The following VGLL3 variants were observed in gnomAD, a reference collection of about 807,000 sequenced individuals.
VGLL3 encodes the protein transcription cofactor vestigial-like protein 3.
Under a neutral mutation model 29.2 loss-of-function variants are expected in VGLL3, and 18 were observed. The observed-to-expected ratio is 0.62, with a 90% CI of 0.43 to 0.91. The LOEUF (loss-of-function observed/expected upper bound fraction) is 0.91. VGLL3 is among the 40% of genes least tolerant of loss of function. VGLL3 has a pLI of 0.00. For synonymous variants in VGLL3, 180 were observed against 151.8 expected (o/e 1.19, Z -1.36); for missense variants, 440 against 413.2 (o/e 1.06, Z -0.56).
intron 3 of VGLL3, among the ~76,000 whole-genome samples, chr3:86,963,397 G>A (rs1559725096): frequency 1.3e-5 from 2 of 152,282 alleles, no homozygotes; most frequent in East Asian, 3.9e-4. Context: ...ATCCACAGAA[G>A]TAGAAAGTAG....
At chr3:86,967,597 G>A (rs931942711) in intron 3 of VGLL3, among the ~76,000 whole-genome samples, 1 of 152,066 alleles carries the variant, frequency 6.6e-6, no homozygotes, top group East Asian at 1.9e-4. Flanking sequence ...CATGATTAAG[G>A]GTTCTCCACA....
At position 86,938,168 on chromosome 3, in the gene VGLL3, T is replaced by A. The variant is rs1199263974; in HGVS notation, c.*8856A>T. 1 of 152,174 alleles carries A rather than the reference T, an allele frequency of 6.6e-6. No homozygotes were observed. Among genetic ancestry groups the A allele is most frequent in the Non-Finnish European group, 1.5e-5 (1 of 68,032 alleles). 9.4% of individuals were successfully genotyped at this position (152,174 alleles called of 1,614,324 possible). On this transcript the variant is annotated 3_prime_UTR_variant, in exon 4 of 4. Coordinates refer to ENST00000398399, the MANE Select transcript of VGLL3 (RefSeq NM_016206.4). ...CTGAGTTATAATTGACACATAAAAG[T>A]TATATATATTTAAGGTATACGATAT...
chr3:86,975,042 A>G (rs1298354747), intron 2 of VGLL3, among the ~76,000 whole-genome samples: 15 of 152,340 alleles, frequency 9.8e-5, no homozygotes, highest in Admixed American at 8.5e-4. Context: ...TTATTTAAAA[A>G]TCTTTACAAT....
At chr3:86,966,787 A>G (rs1201705390) in intron 3 of VGLL3, among the ~76,000 whole-genome samples, 27 of 91,560 alleles carry the variant, frequency 2.9e-4, no homozygotes, top group African/African-American at 9.7e-4. Flanking sequence ...ATATATATAT[A>G]TATATATATA....
At position 86,944,656 on chromosome 3, in the gene VGLL3, T is replaced by C. The variant is rs1231100837; in HGVS notation, c.*2368A>G. On this transcript the variant is annotated 3_prime_UTR_variant, in exon 4 of 4. Transcript: ENST00000398399. ...TTCCTCAGAGCCAATAAACTTTTTGTCTGACAGTTACCGGGAGAACACAGA... is the reference window on the plus strand; with the variant it reads ...TTCCTCAGAGCCAATAAACTTTTTGCCTGACAGTTACCGGGAGAACACAGA... 1 of 152,234 alleles carries C rather than the reference T, an allele frequency of 6.6e-6. No individual in the cohort carries two copies. Among genetic ancestry groups the C allele is most frequent in the Non-Finnish European group, 1.5e-5 (1 of 68,058 alleles). The allele number at this position is 152,234 out of a possible 1,614,324, so 9.4% of individuals were successfully genotyped here. A position where few individuals can be genotyped will look rare whatever the true frequency, so the allele number is the denominator to read the frequency against.
rs1392038229 is a variant in VGLL3 at position 86,941,529 on chromosome 3, T to C, written c.*5495A>G. ...CTGTTTGCTTATACAATGGAATTGG[T>C]AAAAGTACACTTATTTATAATAGAA... On this transcript the variant is annotated 3_prime_UTR_variant, in exon 4 of 4. Transcript: ENST00000398399. 1 of 152,060 alleles carries C rather than the reference T, an allele frequency of 6.6e-6. No homozygotes were observed. Among genetic ancestry groups the C allele is most frequent in the Non-Finnish European group, 1.5e-5 (1 of 67,960 alleles). 9.4% of individuals were successfully genotyped at this position (152,060 alleles called of 1,614,324 possible).
In VGLL3 at chr3:86,938,260, CTA is replaced by C. The variant is rs1203847703; in HGVS notation, c.*8762_*8763del. ...ATCAAATTAATTAATACAACCATAA[CTA>C]GAAGTATTTTTTGTAAGAAAAATGA... On this transcript the variant is annotated 3_prime_UTR_variant, in exon 4 of 4. Transcript: ENST00000398399. 1 of 152,120 alleles carries C rather than the reference CTA, an allele frequency of 6.6e-6. No individual in the cohort carries two copies. The highest frequency in any genetic ancestry group is 1.5e-5 in the Non-Finnish European group (1 of 68,020). 9.4% of individuals were successfully genotyped at this position (152,120 alleles called of 1,614,324 possible). A position where few individuals can be genotyped will look rare whatever the true frequency, so the allele number is the denominator to read the frequency against.
intron 3 of VGLL3, among the ~76,000 whole-genome samples, chr3:86,956,213 A>G (rs940514067): frequency 8.5e-5 from 13 of 152,240 alleles, no homozygotes; most frequent in African/African-American, 3.1e-4. Flanking sequence ...CCTATATGAC[A>G]GATGAGAAAC....
chr3:86,956,112 C>A (rs1704716694), intron 3 of VGLL3, among the ~76,000 whole-genome samples: 1 of 152,166 alleles, frequency 6.6e-6, no homozygotes, highest in African/African-American at 2.4e-5. Flanking sequence ...TCTATATAAT[C>A]TTTGCAGACT....
intron 3 of VGLL3, among the ~76,000 whole-genome samples, chr3:86,948,213 T>C (rs1704544609): frequency 6.6e-6 from 1 of 152,172 alleles, no homozygotes. Flanking sequence ...CAAAACTCTT[T>C]AAACATGTGT....
chr3:86,977,638 C>T (rs59090592), intron 2 of VGLL3, among the ~76,000 whole-genome samples: 12,255 of 152,244 alleles, frequency 0.08, 1,302 homozygotes, highest in African/African-American at 0.24. Flanking sequence ...CACCCCAGAG[C>T]TTCTGATTCT....
rs1055529990 is a variant in VGLL3 at position 86,940,095 on chromosome 3, T to G, written c.*6929A>C. On this transcript the variant is annotated 3_prime_UTR_variant, in exon 4 of 4. Coordinates refer to ENST00000398399, the MANE Select transcript of VGLL3 (RefSeq NM_016206.4). ...CTGCGCCAAATTATTTCATCTGTAA[T>G]GCTGGAAAGTCTATTATTTAAATGC... 2.6e-5 allele frequency: 4 copies of G among 152,242 alleles called. No homozygotes were observed. The highest frequency in any genetic ancestry group is 5.9e-5 in the Non-Finnish European group (4 of 68,048). 9.4% of individuals were successfully genotyped at this position (152,242 alleles called of 1,614,324 possible).
At chr3:86,950,289 G>A (rs1036030533) in intron 3 of VGLL3, among the ~76,000 whole-genome samples, 8 of 151,968 alleles carry the variant, frequency 5.3e-5, no homozygotes, top group African/African-American at 1.5e-4. Flanking sequence ...ATTTTCTTAG[G>A]GCCTTAATGA....
chr3:86,961,105 A>G (rs966554076), intron 3 of VGLL3, among the ~76,000 whole-genome samples: 7 of 151,972 alleles, frequency 4.6e-5, no homozygotes, highest in South Asian at 4.1e-4. Context: ...GTAAAAATAG[A>G]TATTTATAAC....
Position 86,941,952 on chromosome 3 carries a change from A to G in VGLL3, c.*5072T>C, listed in dbSNP as rs1704407307. On this transcript the variant is annotated 3_prime_UTR_variant, in exon 4 of 4. Transcript: ENST00000398399. ...ACTTGCCAGAGCCATTCACTTTTTT[A>G]TAGGTTATATGTTTGTTTTCAACAT... 1 of 152,110 alleles carries G rather than the reference A, an allele frequency of 6.6e-6. No individual in the cohort carries two copies. Among genetic ancestry groups the G allele is most frequent in the Non-Finnish European group, 1.5e-5 (1 of 68,004 alleles). The allele number at this position is 152,110 out of a possible 1,614,324, so 9.4% of individuals were successfully genotyped here.
chr3:86,973,622 A>G (rs959162120), intron 2 of VGLL3, among the ~76,000 whole-genome samples: 1 of 152,232 alleles, frequency 6.6e-6, no homozygotes, highest in Non-Finnish European at 1.5e-5. Context: ...CCTTGGAGGC[A>G]GCAGGGTGAG....
intron 2 of VGLL3, among the ~76,000 whole-genome samples, chr3:86,974,412 G>T (rs1447026361): frequency 1.3e-5 from 2 of 152,034 alleles, no homozygotes; most frequent in Non-Finnish European, 2.9e-5. Context: ...GAGCCACCAC[G>T]CCCAGCTAGT....
rs909259548 is a variant in VGLL3, at chr3:86,968,715, C to T, written c.812G>A (p.Arg271Lys). The T allele has an allele frequency of 4.3e-6, 7 of 1,614,022 alleles. No individual in the cohort carries two copies. The highest frequency in any genetic ancestry group is 5.9e-6 in the Non-Finnish European group (7 of 1,180,042). The change falls in exon 3 of 4, where the codon AGG (arginine) becomes AAG (lysine). Residue 271 changes from arginine (R) to lysine (K), a missense_variant. By Grantham distance (26) the Arg-to-Lys change is conservative. Coordinates refer to ENST00000398399, the MANE Select transcript of VGLL3 (RefSeq NM_016206.4). ...PLLMPSVHAA[R>K]IPAPQCDITK... Reference sequence around the variant, plus strand: ...GATGTCACACTGGGGAGCAGGAATCCTGGCCGCATGCACTGAAGGCATCAG... The same window carrying T: ...GATGTCACACTGGGGAGCAGGAATCTTGGCCGCATGCACTGAAGGCATCAG...
intron 3 of VGLL3, among the ~76,000 whole-genome samples, chr3:86,951,757 T>C (rs1398036876): frequency 6.6e-6 from 1 of 151,316 alleles, no homozygotes; most frequent in Non-Finnish European, 1.5e-5. Context: ...AAAGCTCGCC[T>C]ATGTTCCCCA....
Sources: gnomAD v4.1 joint callset for allele counts (sites outside exome capture counted in the v4.1 genomes callset) on GRCh38, gnomAD v4.1.1 for gene constraint, MANE v1.5 for transcripts, NCBI Gene and HGNC (gene_info 2026-07-23, HGNC 2026-07-21) for gene names.